ZHX3: variants seen among roughly 807,000 people sequenced by gnomAD.
ZHX3 encodes the protein zinc fingers and homeoboxes protein 3.
Under a neutral mutation model 64.5 loss-of-function variants are expected in ZHX3, and 20 were observed. That is an observed-to-expected ratio of 0.31 (90% CI 0.22 to 0.45). ZHX3 has a LOEUF of 0.45. Ranked by LOEUF, ZHX3 falls within the 20% of genes least tolerant of loss-of-function variation. The pLI, the probability that ZHX3 is intolerant of heterozygous loss-of-function variation, is 1.00. For missense variants in ZHX3, 1,041 were observed against 1,195.8 expected, an observed-to-expected ratio of 0.87 and a Z score of 1.91; for synonymous variants, 423 against 461.6, an observed-to-expected ratio of 0.92 and a Z score of 1.07.
At chr20:41,293,836 T>C (rs1181678756) in intron 1 of ZHX3, among the ~76,000 whole-genome samples, 1 of 152,224 alleles carries the variant, frequency 6.6e-6, no homozygotes, top group Non-Finnish European at 1.5e-5. Context: ...AAATGTGTTT[T>C]TGAGCATCTG....
In ZHX3 at chr20:41,204,644, T is replaced by C. The variant is rs2038550645; in HGVS notation, c.273A>G (p.Gln91=). The change falls in exon 3 of 4, where the codon CAA becomes CAG. Residue 91 remains glutamine, a synonymous_variant. Transcript: ENST00000683867. The surrounding 1 kb of genome is among the most constrained non-coding windows in gnomAD (Gnocchi z 6.6). ...GCTCTGAGTTCATATGTCCCACAAA[T>C]TGGGTCATGTCATGGGATCTGAAAT... ...YCDFRSHDMT[Q]FVGHMNSEHT... is the part of the protein sequence containing the mutation. The C allele has an allele frequency of 1.9e-6, 3 of 1,614,242 alleles. No individual in the cohort carries two copies. The highest frequency in any genetic ancestry group is 1.7e-5 in the Admixed American group (1 of 60,034).
chr20:41,249,257 G>T (rs1280483635), intron 2 of ZHX3, among the ~76,000 whole-genome samples: 2 of 151,906 alleles, frequency 1.3e-5, no homozygotes, highest in Non-Finnish European at 2.9e-5. Context: ...AAATCTCATA[G>T]TTAAGTCACA....
intron 1 of ZHX3, among the ~76,000 whole-genome samples, chr20:41,313,727 A>G (rs946113661): frequency 6.6e-6 from 1 of 150,732 alleles, no homozygotes; most frequent in African/African-American, 2.4e-5. Flanking sequence ...CCTCCCAAGT[A>G]GCTGGAACTA....
intron 2 of ZHX3, among the ~76,000 whole-genome samples, chr20:41,253,308 G>A (rs1388230080): frequency 1.3e-5 from 2 of 150,850 alleles, no homozygotes; most frequent in African/African-American, 4.9e-5. Flanking sequence ...TAGCTGCATA[G>A]CTTTGTAGCC....
chr20:41,277,654 T>C (rs1024492688), intron 1 of ZHX3, among the ~76,000 whole-genome samples: 6 of 151,484 alleles, frequency 4.0e-5, no homozygotes, highest in South Asian at 2.1e-4. Flanking sequence ...TGCAGTGGTG[T>C]GATCTCCGCT....
At chr20:41,291,840 T>C (rs964993817) in intron 1 of ZHX3, among the ~76,000 whole-genome samples, 1 of 151,564 alleles carries the variant, frequency 6.6e-6, no homozygotes. Flanking sequence ...TAAAGAACTA[T>C]TGTTATTTAG....
chr20:41,257,450 A>G (rs903156019), intron 2 of ZHX3, among the ~76,000 whole-genome samples: 1 of 152,158 alleles, frequency 6.6e-6, no homozygotes, highest in Non-Finnish European at 1.5e-5. Context: ...GACAGTCATC[A>G]TTCATATTTT....
rs190356771 is a variant in ZHX3 at position 41,237,102 on chromosome 20, G to A, written c.-151+31888C>T. Among the ~76,000 whole-genome samples the A allele has an allele frequency of 3.9e-3, 590 of 152,258 alleles. 8 individuals are homozygous for A. The highest frequency in any genetic ancestry group is 0.024 in the East Asian group (126 of 5,186). On this transcript the variant is annotated intron_variant, in intron 2 of 3. Coordinates refer to ENST00000683867, the MANE Select transcript of ZHX3 (RefSeq NM_001384317.1). ...CAGTTAGAATGGCAATCATTAAAAA[G>A]TCAGGAAACAACAGGTGCTAGAGAG... is the stretch of plus-strand genomic sequence containing the variant.
At chr20:41,296,722 C>T (rs2044548739) in intron 1 of ZHX3, among the ~76,000 whole-genome samples, 1 of 152,178 alleles carries the variant, frequency 6.6e-6, no homozygotes, top group Non-Finnish European at 1.5e-5. Flanking sequence ...TGACCTTGAC[C>T]TCTGATTGGG....
At chr20:41,303,457 C>T (rs1032095349) in intron 1 of ZHX3, among the ~76,000 whole-genome samples, 1 of 152,172 alleles carries the variant, frequency 6.6e-6, no homozygotes, top group Admixed American at 6.5e-5. Flanking sequence ...TATATTTTAC[C>T]TGCCTTCAAA....
At chr20:41,264,168 G>A (rs1297304532) in intron 2 of ZHX3, among the ~76,000 whole-genome samples, 1 of 151,878 alleles carries the variant, frequency 6.6e-6, no homozygotes, top group Non-Finnish European at 1.5e-5. Context: ...TAGCACTTTG[G>A]GAGGCCGAGA....
At chr20:41,220,638 A>G (rs902135105) in intron 2 of ZHX3, among the ~76,000 whole-genome samples, 4 of 151,788 alleles carry the variant, frequency 2.6e-5, no homozygotes, top group African/African-American at 7.3e-5. Context: ...TACAAACAAG[A>G]TATTTGACTT....
chr20:41,235,399 A>C (rs2146411981), intron 2 of ZHX3, among the ~76,000 whole-genome samples: 1 of 152,366 alleles, frequency 6.6e-6, no homozygotes, highest in Admixed American at 6.5e-5. Context: ...CGAATCCAGC[A>C]GCACATCAAA....
At chr20:41,217,116 G>A (rs941458185) in intron 2 of ZHX3, among the ~76,000 whole-genome samples, 4 of 152,256 alleles carry the variant, frequency 2.6e-5, no homozygotes, top group Middle Eastern at 3.4e-3. Flanking sequence ...ACCACAGGAG[G>A]CAGTAAATGA....
At chr20:41,199,256 AT>A (rs1335157787) in intron 3 of ZHX3, among the ~76,000 whole-genome samples, 4 of 151,754 alleles carry the variant, frequency 2.6e-5, no homozygotes, top group Non-Finnish European at 4.4e-5. Flanking sequence ...GTGCCTGTCA[AT>A]TTTTTTTCCT....
At position 41,212,568 on chromosome 20, in the gene ZHX3, C is replaced by T. The variant is rs143724103; in HGVS notation, c.-150-7502G>A. 7.0e-4 allele frequency among the ~76,000 whole-genome samples: 107 copies of T among 152,194 alleles called. No individual in the cohort carries two copies. Among genetic ancestry groups the T allele is most frequent in the African/African-American group, 2.4e-3 (101 of 41,534 alleles). ...ATCCTAGCACTTTGGGAGGCCAAGG[C>T]GGGCGGATCACCAGAGGTCAGGAGT... On this transcript the variant is annotated intron_variant, in intron 2 of 3. Coordinates refer to ENST00000683867, the MANE Select transcript of ZHX3 (RefSeq NM_001384317.1). This position sits in a 1 kb window ranked among gnomAD's most constrained non-coding sequence, Gnocchi z 4.3.
intron 3 of ZHX3, among the ~76,000 whole-genome samples, chr20:41,190,848 T>C (rs2036956854): frequency 6.6e-6 from 1 of 152,210 alleles, no homozygotes; most frequent in Admixed American, 6.5e-5. Context: ...CCTTCAGCCC[T>C]GTCAACATAT....
intron 2 of ZHX3, among the ~76,000 whole-genome samples, chr20:41,255,891 C>T (rs2042225879): frequency 6.6e-6 from 1 of 152,194 alleles, no homozygotes; most frequent in Non-Finnish European, 1.5e-5. Context: ...AAACACATTT[C>T]TGATTTCTGT....
Position 41,201,735 on chromosome 20 carries a change from C to T in ZHX3, c.2860+322G>A, listed in dbSNP as rs1420199024. 5.9e-5 allele frequency among the ~76,000 whole-genome samples: 9 copies of T among 152,132 alleles called. No individual in the cohort carries two copies. Among genetic ancestry groups the T allele is most frequent in the African/African-American group, 2.2e-4 (9 of 41,430 alleles). On this transcript the variant is annotated intron_variant, in intron 3 of 3. Coordinates refer to ENST00000683867, the MANE Select transcript of ZHX3 (RefSeq NM_001384317.1). This position sits in a 1 kb window ranked among gnomAD's most constrained non-coding sequence, Gnocchi z 5.0. The stretch of plus-strand genomic sequence containing the variant: ...CCTACCCAGTGGCTGTGGATCTGCC[C>T]GACTCAGAGGATGTTTTGACCTGTT...
Sources: gnomAD v4.1 joint callset for allele counts (sites outside exome capture counted in the v4.1 genomes callset) on GRCh38, gnomAD v4.1.1 for gene constraint, Gnocchi (gnomAD v3.1) non-coding constraint, MANE v1.5 for transcripts, NCBI Gene and HGNC (gene_info 2026-07-23, HGNC 2026-07-21) for gene names.